SEMA3E: variants seen among roughly 807,000 people sequenced by gnomAD.
SEMA3E encodes the protein semaphorin 3E.
Under a neutral mutation model 93.6 loss-of-function variants are expected in SEMA3E, and 49 were observed. The observed-to-expected ratio is 0.52, with a 90% CI of 0.42 to 0.66. SEMA3E has a LOEUF of 0.66. Ranked by LOEUF, SEMA3E falls within the 30% of genes least tolerant of loss-of-function variation. The probability of loss-of-function intolerance (pLI) is 0.00; values close to 1 mark genes in which losing one functional copy is unlikely to be tolerated. For missense variants in SEMA3E, 906 were observed against 964.8 expected, an observed-to-expected ratio of 0.94 and a Z score of 0.81; for synonymous variants, 363 against 330.7, an observed-to-expected ratio of 1.10 and a Z score of -1.06.
chr7:83,593,724 C>T (rs1019979513), intron 1 of SEMA3E, among the ~76,000 whole-genome samples: 1 of 151,778 alleles, frequency 6.6e-6, no homozygotes, highest in African/African-American at 2.4e-5. Context: ...AAGGTTTATC[C>T]ATATGGAGAA....
chr7:83,420,993 C>T (rs1788661151), intron 4 of SEMA3E, among the ~76,000 whole-genome samples: 1 of 142,386 alleles, frequency 7.0e-6, no homozygotes, highest in Non-Finnish European at 1.6e-5. Flanking sequence ...TAAAGAGCTT[C>T]TGCACAGCAG....
At chr7:83,456,484 T>A (rs1209818266) in intron 4 of SEMA3E, among the ~76,000 whole-genome samples, 1 of 152,096 alleles carries the variant, frequency 6.6e-6, no homozygotes, top group African/African-American at 2.4e-5. Context: ...ACAACGCCTG[T>A]AGCAAAAAAT....
chr7:83,476,451 ACT>A (rs974156294), intron 2 of SEMA3E, among the ~76,000 whole-genome samples: 12 of 152,138 alleles, frequency 7.9e-5, no homozygotes, highest in African/African-American at 2.7e-4. Flanking sequence ...AAGTATGAAC[ACT>A]CTCTACAGTA....
intron 1 of SEMA3E, among the ~76,000 whole-genome samples, chr7:83,574,343 T>G (rs1359676257): frequency 6.6e-6 from 1 of 151,824 alleles, no homozygotes; most frequent in East Asian, 1.9e-4. Flanking sequence ...GAAAATGATA[T>G]GGCATAGAGC....
At chr7:83,623,052 G>T (rs77737018) in intron 1 of SEMA3E, among the ~76,000 whole-genome samples, 2 of 152,152 alleles carry the variant, frequency 1.3e-5, no homozygotes, top group East Asian at 3.9e-4. Context: ...GTGATGCTTG[G>T]ATAAGAAGAT....
chr7:83,412,761 TAAA>T (rs35717519), intron 5 of SEMA3E, among the ~76,000 whole-genome samples: 24 of 143,664 alleles, frequency 1.7e-4, no homozygotes, highest in East Asian at 1.4e-3. Flanking sequence ...TAAAAAAAGA[TAAA>T]AAAAAAAAAA....
chr7:83,414,068 C>T (rs867784264), intron 5 of SEMA3E, among the ~76,000 whole-genome samples: 1 of 152,008 alleles, frequency 6.6e-6, no homozygotes, highest in East Asian at 1.9e-4. Flanking sequence ...AGAGAGAGAG[C>T]GAGCAGCAGC....
intron 4 of SEMA3E, among the ~76,000 whole-genome samples, chr7:83,456,582 T>C (rs1562790280): frequency 6.9e-6 from 1 of 144,082 alleles, no homozygotes; most frequent in South Asian, 2.2e-4. Context: ...CCATATTTCT[T>C]TAACGACTCT....
chr7:83,600,462 G>C (rs887648741), intron 1 of SEMA3E, among the ~76,000 whole-genome samples: 7 of 146,980 alleles, frequency 4.8e-5, no homozygotes, highest in Non-Finnish European at 8.9e-5. Context: ...TGGGACTACA[G>C]GCGCCCGCCA....
At chr7:83,558,118 T>C (rs554725776) in intron 1 of SEMA3E, among the ~76,000 whole-genome samples, 1 of 152,288 alleles carries the variant, frequency 6.6e-6, no homozygotes, top group African/African-American at 2.4e-5. Context: ...ATAATATTTG[T>C]AATTTAACAA....
chr7:83,378,155 T>C (rs1787694746), intron 16 of SEMA3E, among the ~76,000 whole-genome samples: 1 of 147,702 alleles, frequency 6.8e-6, no homozygotes, highest in Non-Finnish European at 1.5e-5. Flanking sequence ...TGGAAATATA[T>C]ATAGCCACTG....
At chr7:83,595,788 A>G (rs1792860925) in intron 1 of SEMA3E, among the ~76,000 whole-genome samples, 1 of 151,844 alleles carries the variant, frequency 6.6e-6, no homozygotes, top group African/African-American at 2.4e-5. Context: ...CACGGTAGGA[A>G]GTTTATGATT....
At chr7:83,402,293 T>G (rs1357240866) in intron 10 of SEMA3E, among the ~76,000 whole-genome samples, 2 of 152,004 alleles carry the variant, frequency 1.3e-5, no homozygotes, top group East Asian at 1.9e-4. Context: ...CTGAAGAGGC[T>G]GAGAGGAATA....
intron 1 of SEMA3E, among the ~76,000 whole-genome samples, chr7:83,581,278 A>G (rs1792512497): frequency 6.6e-6 from 1 of 152,018 alleles, no homozygotes; most frequent in Non-Finnish European, 1.5e-5. Flanking sequence ...AAAAATTACA[A>G]ACCATTTTTT....
chr7:83,472,599 A>C (rs985953863), intron 2 of SEMA3E, among the ~76,000 whole-genome samples: 1 of 152,184 alleles, frequency 6.6e-6, no homozygotes, highest in African/African-American at 2.4e-5. Flanking sequence ...AGGGAGCACC[A>C]TCTGATGTAT....
chr7:83,532,053 G>A (rs1252476348), intron 1 of SEMA3E, among the ~76,000 whole-genome samples: 11 of 152,062 alleles, frequency 7.2e-5, no homozygotes. Context: ...TTATTTCTGG[G>A]TAAAACATGT....
rs1562743438 is a variant in SEMA3E, at chr7:83,363,859, CAT to C, written c.*3725_*3726del. 105 of 100,548 alleles carry C rather than the reference CAT, an allele frequency of 1.0e-3. 5 individuals are homozygous for C. The highest frequency in any genetic ancestry group is 6.5e-3 in the Middle Eastern group (1 of 154). 6.2% of individuals were successfully genotyped at this position (100,548 alleles called of 1,614,324 possible). On this transcript the variant is annotated 3_prime_UTR_variant, in exon 17 of 17. Transcript: ENST00000643230. ...AGGCTACAGGTGTCACAGGTCAATT[CAT>C]TTTTTTTTTTTTTTTTTTTTTTTTT...
At chr7:83,455,814 G>T (rs1194354274) in intron 4 of SEMA3E, among the ~76,000 whole-genome samples, 1 of 152,248 alleles carries the variant, frequency 6.6e-6, no homozygotes, top group Non-Finnish European at 1.5e-5. Flanking sequence ...GTTGACAGCA[G>T]CCCCTGGCTG....
At chr7:83,389,366 G>T (rs936944095) in intron 14 of SEMA3E, among the ~76,000 whole-genome samples, 1 of 124,706 alleles carries the variant, frequency 8.0e-6, no homozygotes, top group Middle Eastern at 4.1e-3. Context: ...CCACTTGGCC[G>T]AGATGGTGTT....
Sources: gnomAD v4.1 joint callset for allele counts (sites outside exome capture counted in the v4.1 genomes callset) on GRCh38, gnomAD v4.1.1 for gene constraint, MANE v1.5 for transcripts, NCBI Gene and HGNC (gene_info 2026-07-23, HGNC 2026-07-21) for gene names.